Variants in ADARB2 observed in about 807,000 individuals in gnomAD.
ADARB2 encodes the protein adenosine deaminase RNA specific B2 (inactive).
In ADARB2, 25 loss-of-function variants were observed where a neutral mutation model predicts 62.2. The ratio of observed to expected loss-of-function variants is 0.40; its 90% CI spans 0.29 to 0.56. The LOEUF is 0.56. Ranked by LOEUF, ADARB2 falls within the 20% of genes least tolerant of loss-of-function variation. The pLI is 0.43. For missense variants in ADARB2, 1,071 were observed against 1,077.4 expected (o/e 0.99, Z 0.08); for synonymous variants, 572 against 500.8 (o/e 1.14, Z -1.90).
chr10:1,681,422 T>C (rs1834535104), intron 1 of ADARB2, among the ~76,000 whole-genome samples: 1 of 152,086 alleles, frequency 6.6e-6, no homozygotes, highest in Non-Finnish European at 1.5e-5. Flanking sequence ...TATGACTCCA[T>C]TTCTTCCTGT....
chr10:1,193,475 C>T (rs899958983), intron 8 of ADARB2, among the ~76,000 whole-genome samples: 1 of 152,162 alleles, frequency 6.6e-6, no homozygotes, highest in Non-Finnish European at 1.5e-5. Context: ...TTTTGCTGTT[C>T]CAAATTATGT....
chr10:1,503,652 G>A (rs1831795866), intron 1 of ADARB2, among the ~76,000 whole-genome samples: 1 of 152,128 alleles, frequency 6.6e-6, no homozygotes, highest in Non-Finnish European at 1.5e-5. Flanking sequence ...AATCCTCAGT[G>A]TTAGAGGTGG....
At chr10:1,346,701 C>T (rs1006793486) in intron 3 of ADARB2, among the ~76,000 whole-genome samples, 5 of 152,250 alleles carry the variant, frequency 3.3e-5, no homozygotes, top group Admixed American at 6.5e-5. Context: ...TGCCCCACCC[C>T]GTCTCCTGCT....
intron 3 of ADARB2, among the ~76,000 whole-genome samples, chr10:1,296,876 G>A (rs2131814903): frequency 6.6e-6 from 1 of 152,048 alleles, no homozygotes; most frequent in Admixed American, 6.6e-5. Flanking sequence ...CTCCTTCTCT[G>A]CTCCCAGCCT....
chr10:1,262,493 T>G (rs1417441600), intron 4 of ADARB2, among the ~76,000 whole-genome samples: 1 of 152,028 alleles, frequency 6.6e-6, no homozygotes, highest in Non-Finnish European at 1.5e-5. Context: ...CAGACACTTC[T>G]CAAAAGAAGA....
intron 1 of ADARB2, among the ~76,000 whole-genome samples, chr10:1,538,694 C>T (rs565187085): frequency 3.3e-5 from 5 of 152,290 alleles, no homozygotes; most frequent in African/African-American, 9.6e-5. Flanking sequence ...CCAGGCATGC[C>T]GAGGGGCTCG....
intron 4 of ADARB2, among the ~76,000 whole-genome samples, chr10:1,244,179 G>A (rs983002085): frequency 2.0e-5 from 3 of 152,250 alleles, no homozygotes; most frequent in Admixed American, 2.0e-4. Context: ...CTCTGCCAGG[G>A]GTGGGAGCCA....
At chr10:1,392,826 C>T (rs2131866889) in intron 1 of ADARB2, among the ~76,000 whole-genome samples, 1 of 152,304 alleles carries the variant, frequency 6.6e-6, no homozygotes, top group East Asian at 1.9e-4. Flanking sequence ...CCTGCGGTGT[C>T]AGCCACATGT....
rs1372145438 is a variant in ADARB2, at chr10:1,339,249, G to T, written c.1077+23779C>A. ...CCCATGGAAAGGGTGGGTCAAATCT[G>T]CAGTTTTCAGAGCTGGCAACATGGT... On this transcript the variant is annotated intron_variant, in intron 3 of 9. Transcript: ENST00000381312. Among the ~76,000 whole-genome samples, 13 of 152,218 alleles carry T rather than the reference G, an allele frequency of 8.5e-5. 1 individual carries two copies. The highest frequency in any genetic ancestry group is 8.5e-4 in the Admixed American group (13 of 15,284).
intron 1 of ADARB2, among the ~76,000 whole-genome samples, chr10:1,509,937 T>C (rs939664244): frequency 7.2e-5 from 11 of 152,202 alleles, no homozygotes; most frequent in African/African-American, 2.7e-4. Context: ...GCTTTAATGC[T>C]TGCATTGCTT....
intron 6 of ADARB2, among the ~76,000 whole-genome samples, chr10:1,231,294 G>T (rs1181090880): frequency 2.0e-5 from 3 of 152,210 alleles, no homozygotes; most frequent in Non-Finnish European, 4.4e-5. Context: ...CTTTAAAGAA[G>T]AATGGAAAGA....
intron 1 of ADARB2, among the ~76,000 whole-genome samples, chr10:1,584,286 T>A: frequency 6.6e-6 from 1 of 152,150 alleles, no homozygotes; most frequent in East Asian, 1.9e-4. Context: ...ACCTAAGACC[T>A]TAACTGATAC....
At chr10:1,345,476 C>T (rs944236079) in intron 3 of ADARB2, among the ~76,000 whole-genome samples, 7 of 152,214 alleles carry the variant, frequency 4.6e-5, no homozygotes, top group African/African-American at 1.4e-4. Context: ...ACCTTTTCGG[C>T]ACCCTGTGGA....
chr10:1,561,067 TA>T (rs756059770), intron 1 of ADARB2, among the ~76,000 whole-genome samples: 1 of 152,194 alleles, frequency 6.6e-6, no homozygotes, highest in Non-Finnish European at 1.5e-5. Context: ...AGATGCTCAG[TA>T]AAAAACACAA....
intron 6 of ADARB2, among the ~76,000 whole-genome samples, chr10:1,222,426 C>T (rs1266806777): frequency 2.0e-4 from 30 of 151,810 alleles, no homozygotes; most frequent in African/African-American, 6.6e-4. Flanking sequence ...TTAATTAGAT[C>T]CCATTTGTCA....
intron 1 of ADARB2, among the ~76,000 whole-genome samples, chr10:1,542,745 C>T (rs12780820): frequency 4.6e-4 from 12 of 26,086 alleles, no homozygotes; most frequent in African/African-American, 1.1e-3. Flanking sequence ...GTTCGGACCC[C>T]GGATCACAGC....
chr10:1,579,605 T>C (rs2813383), intron 1 of ADARB2, among the ~76,000 whole-genome samples: 149,950 of 152,342 alleles, frequency 0.98, 73,837 homozygotes, highest in Non-Finnish European at 1. Flanking sequence ...ACACAGAGCA[T>C]CTCACTTTTC....
intron 1 of ADARB2, among the ~76,000 whole-genome samples, chr10:1,608,668 GA>G (rs1833525645): frequency 6.9e-6 from 1 of 144,526 alleles, no homozygotes; most frequent in Admixed American, 7.0e-5. Flanking sequence ...CGAGAAGGAA[GA>G]AAAAATGGAA....
intron 1 of ADARB2, among the ~76,000 whole-genome samples, chr10:1,484,794 G>T (rs1328349471): frequency 6.6e-6 from 1 of 152,116 alleles, no homozygotes; most frequent in Non-Finnish European, 1.5e-5. Context: ...ACAAATGCAG[G>T]TACCCATGTA....
Sources: gnomAD v4.1 joint callset for allele counts (sites outside exome capture counted in the v4.1 genomes callset) on GRCh38, gnomAD v4.1.1 for gene constraint, MANE v1.5 for transcripts, NCBI Gene and HGNC (gene_info 2026-07-23, HGNC 2026-07-21) for gene names.